The following NAV3 variants were observed in gnomAD, a reference collection of about 807,000 sequenced individuals.
The protein encoded by NAV3 is neuron navigator 3.
In NAV3, 87 loss-of-function variants were observed where a neutral mutation model predicts 244.7. That is an observed-to-expected ratio of 0.36 (90% CI 0.30 to 0.42). The LOEUF is 0.42. Among genes scored for constraint, NAV3 ranks in the 20% least tolerant of loss-of-function variants. The probability of loss-of-function intolerance (pLI) is 1.00; values close to 1 mark genes in which losing one functional copy is unlikely to be tolerated. For synonymous variants in NAV3, 1,126 were observed against 1,042.2 expected (o/e 1.08, Z -1.55); for missense variants, 2,663 against 2,893.3 (o/e 0.92, Z 1.83).
At chr12:77,757,013 G>A (rs1396826619) in intron 2 of NAV3, among the ~76,000 whole-genome samples, 1 of 152,102 alleles carries the variant, frequency 6.6e-6, no homozygotes, top group Non-Finnish European at 1.5e-5. Flanking sequence ...TCTATTAGGT[G>A]GCACTTGCTA....
intron 2 of NAV3, among the ~76,000 whole-genome samples, chr12:77,809,555 G>T (rs970176905): frequency 5.9e-5 from 9 of 152,334 alleles, no homozygotes; most frequent in Middle Eastern, 3.4e-3. Context: ...TTTAACTGCA[G>T]AAATCACCGG....
chr12:77,932,522 T>G (rs1888914723), intron 1 of NAV3, among the ~76,000 whole-genome samples: 1 of 152,196 alleles, frequency 6.6e-6, no homozygotes, highest in South Asian at 2.1e-4. Context: ...AGATAGAATT[T>G]GAGTTAAGAT....
intron 27 of NAV3, 57 bp downstream of exon 27, chr12:78,177,370 A>G (rs969209754): frequency 1.2e-5 from 19 of 1,556,996 alleles, no homozygotes; most frequent in Non-Finnish European, 1.5e-5. Context: ...TTTTAGATGA[A>G]GGCCTTATTT....
chr12:77,770,422 A>G (rs1247036020), intron 2 of NAV3, among the ~76,000 whole-genome samples: 1 of 152,194 alleles, frequency 6.6e-6, no homozygotes, highest in Non-Finnish European at 1.5e-5. Context: ...ATGTCATGAA[A>G]TCAGGCCAGT....
chr12:78,103,932 CT>C (rs1252785273), intron 12 of NAV3, among the ~76,000 whole-genome samples: 1 of 152,134 alleles, frequency 6.6e-6, no homozygotes, highest in Non-Finnish European at 1.5e-5. Context: ...ATTTCTTATA[CT>C]TTTGCTTTTA....
rs564052399 is a variant in NAV3, at chr12:77,792,698, C to A, written c.73-147621C>A. 4.2e-4 allele frequency among the ~76,000 whole-genome samples: 64 copies of A among 152,328 alleles called. 2 individuals are homozygous for A. In the South Asian group the frequency reaches 0.013, roughly 30 times the overall value. On this transcript the variant is annotated intron_variant, in intron 2 of 8. Coordinates refer to the NAV3 transcript ENST00000550042. ...ACAGTAGCCTGAGACACATTCATTT[C>A]AGCCTTCTTTCCTGCTCTGTTCCTT...
At chr12:77,854,789 T>C (rs890198610) in intron 1 of NAV3, among the ~76,000 whole-genome samples, 4 of 152,316 alleles carry the variant, frequency 2.6e-5, no homozygotes, top group Non-Finnish European at 4.4e-5. Flanking sequence ...ACCGTCTAAA[T>C]ATTTTAAGTG....
At chr12:78,195,121 G>A (rs1156644832) in intron 34 of NAV3, among the ~76,000 whole-genome samples, 1 of 151,792 alleles carries the variant, frequency 6.6e-6, no homozygotes, top group Non-Finnish European at 1.5e-5. Context: ...TAAATAAATT[G>A]CTTTCCTCTA....
chr12:77,700,041 G>C (rs893282393), intron 2 of NAV3, among the ~76,000 whole-genome samples: 23 of 152,078 alleles, frequency 1.5e-4, no homozygotes, highest in African/African-American at 5.6e-4. Context: ...CACATTACTT[G>C]GATACCTCAT....
chr12:77,715,816 A>T (rs1046650956), intron 2 of NAV3, among the ~76,000 whole-genome samples: 1 of 144,406 alleles, frequency 6.9e-6, no homozygotes, highest in African/African-American at 2.7e-5. Flanking sequence ...TGCTGAGAGT[A>T]AAAAAAAGTT....
At chr12:77,681,975 A>AT (rs1874492613) in intron 2 of NAV3, among the ~76,000 whole-genome samples, 1 of 152,140 alleles carries the variant, frequency 6.6e-6, no homozygotes, top group Non-Finnish European at 1.5e-5. Flanking sequence ...TTGCATGTTA[A>AT]TTTTTTGTGG....
chr12:77,998,201 TG>T, intron 6 of NAV3, 135 bp from the exon 7 acceptor site: 1 of 536,896 alleles, frequency 1.9e-6, no homozygotes, highest in South Asian at 5.8e-5. Flanking sequence ...GCTATTTATT[TG>T]TCACATCTAT....
intron 31 of NAV3, among the ~76,000 whole-genome samples, chr12:78,186,134 TG>T (rs1373448601): frequency 6.6e-6 from 1 of 151,818 alleles, no homozygotes; most frequent in East Asian, 1.9e-4. Context: ...CTACTGAACT[TG>T]GTAGGACAAA....
At chr12:77,582,673 G>A (rs1869420327) in intron 2 of NAV3, among the ~76,000 whole-genome samples, 1 of 152,164 alleles carries the variant, frequency 6.6e-6, no homozygotes, top group Non-Finnish European at 1.5e-5. Context: ...AACCCACAAG[G>A]CTTGGCTCCC....
intron 12 of NAV3, among the ~76,000 whole-genome samples, chr12:78,072,033 G>A (rs1010564827): frequency 6.6e-6 from 1 of 152,184 alleles, no homozygotes; most frequent in African/African-American, 2.4e-5. Context: ...CGCATTCAAA[G>A]CAGTGTGTAG....
chr12:77,706,652 C>A (rs1374203290), intron 2 of NAV3, among the ~76,000 whole-genome samples: 2 of 150,734 alleles, frequency 1.3e-5, no homozygotes, highest in African/African-American at 4.9e-5. Context: ...GGGCGGATCA[C>A]GAGGTCAGGA....
chr12:78,006,634 C>A lies in NAV3; in HGVS notation c.1096C>A (p.Leu366Met), dbSNP rs938361718. 6.2e-7 allele frequency: 1 copy of A among 1,614,150 alleles called. No individual in the cohort carries two copies. The highest frequency in any genetic ancestry group is 1.7e-5 in the Admixed American group (1 of 60,018). Residue 366 changes from leucine to methionine, a missense_variant, in exon 8 of 40, where the codon CTG becomes ATG. By Grantham distance (15) the Leu-to-Met change is conservative. Coordinates refer to ENST00000397909, the MANE Select transcript of NAV3 (RefSeq NM_001024383.2). ...CTCCCCCACACCATCTTCAGACAGA[C>A]TGAAGCCACCTGTCTCAGAAGGGGT... ...ATSPTPSSDR[L>M]KPPVSEGVKT...
At chr12:77,910,771 G>A (rs1886502861) in intron 1 of NAV3, among the ~76,000 whole-genome samples, 1 of 152,082 alleles carries the variant, frequency 6.6e-6, no homozygotes, top group African/African-American at 2.4e-5. Flanking sequence ...TATATTCTGT[G>A]TTCAGGAGAT....
At chr12:77,693,830 G>A (rs1210647461) in intron 2 of NAV3, among the ~76,000 whole-genome samples, 1 of 151,882 alleles carries the variant, frequency 6.6e-6, no homozygotes, top group African/African-American at 2.4e-5. Context: ...ACCAAACTCA[G>A]TTTATTTTCT....
Sources: gnomAD v4.1 joint callset for allele counts (sites outside exome capture counted in the v4.1 genomes callset) on GRCh38, gnomAD v4.1.1 for gene constraint, MANE v1.5 for transcripts, NCBI Gene and HGNC (gene_info 2026-07-23, HGNC 2026-07-21) for gene names.